The following SMOC1 variants were observed in gnomAD, a reference collection of about 807,000 sequenced individuals.
SMOC1 encodes SPARC related modular calcium binding 1.
In SMOC1, 22 loss-of-function variants were observed where a neutral mutation model predicts 56.3. That is an observed-to-expected ratio of 0.39 (90% CI 0.28 to 0.56). The LOEUF is 0.56. SMOC1 is among the 20% of genes least tolerant of loss of function. SMOC1 has a pLI of 0.61. For synonymous variants in SMOC1, 193 were observed against 215.0 expected (o/e 0.90, Z 0.89); for missense variants, 509 against 565.4 (o/e 0.90, Z 1.01).
chr14:69,932,111 T>C (rs892429557), intron 1 of SMOC1, among the ~76,000 whole-genome samples: 3 of 152,172 alleles, frequency 2.0e-5, no homozygotes, highest in African/African-American at 7.2e-5. Flanking sequence ...CGTGGTGGGT[T>C]GTATGGTGAA....
chr14:69,881,504 G>C (rs1440948959), intron 1 of SMOC1, among the ~76,000 whole-genome samples: 2 of 152,124 alleles, frequency 1.3e-5, no homozygotes, highest in Admixed American at 1.3e-4. Flanking sequence ...GGGAAATCAG[G>C]CACCGTGGTT....
intron 3 of SMOC1, among the ~76,000 whole-genome samples, chr14:69,968,789 G>A (rs1883661870): frequency 6.6e-6 from 1 of 152,196 alleles, no homozygotes; most frequent in Non-Finnish European, 1.5e-5. Context: ...CATGACAGCA[G>A]TCCTTTCATT....
At chr14:70,014,976 C>A (rs1180565983) in intron 10 of SMOC1, among the ~76,000 whole-genome samples, 3 of 152,158 alleles carry the variant, frequency 2.0e-5, no homozygotes, top group Non-Finnish European at 4.4e-5. Flanking sequence ...CATCCTGAGG[C>A]AGAAGAAGGC....
chr14:69,966,315 C>T (rs1883574944), intron 3 of SMOC1, among the ~76,000 whole-genome samples: 1 of 152,148 alleles, frequency 6.6e-6, no homozygotes, highest in Non-Finnish European at 1.5e-5. Flanking sequence ...TTTCTTGGGT[C>T]CCCGGAGCCC....
intron 1 of SMOC1, among the ~76,000 whole-genome samples, chr14:69,918,490 A>C (rs1379310029): frequency 6.6e-6 from 1 of 152,112 alleles, no homozygotes; most frequent in Non-Finnish European, 1.5e-5. Context: ...GGCCTCCCCA[A>C]GTGCTAGGAT....
chr14:69,916,064 A>C (rs1032688911), intron 1 of SMOC1, among the ~76,000 whole-genome samples: 2 of 152,222 alleles, frequency 1.3e-5, no homozygotes, highest in Non-Finnish European at 2.9e-5. Context: ...CAACATCTCT[A>C]TGTGGGCGTC....
chr14:69,882,519 G>T (rs892606580), intron 1 of SMOC1, among the ~76,000 whole-genome samples: 3 of 152,210 alleles, frequency 2.0e-5, no homozygotes, highest in Non-Finnish European at 2.9e-5. Flanking sequence ...TATGTAGGAA[G>T]CACCTGATTT....
At chr14:69,942,480 A>C (rs889500880) in intron 1 of SMOC1, among the ~76,000 whole-genome samples, 1 of 152,158 alleles carries the variant, frequency 6.6e-6, no homozygotes, top group Non-Finnish European at 1.5e-5. Flanking sequence ...CACTTTTATG[A>C]ATTTTAACAA....
At chr14:69,995,147 A>G (rs1321970501) in intron 7 of SMOC1, among the ~76,000 whole-genome samples, 1 of 152,050 alleles carries the variant, frequency 6.6e-6, no homozygotes, top group East Asian at 1.9e-4. Context: ...GCGAAATACC[A>G]CTCTGCATAA....
At chr14:69,935,548 G>C (rs1412402965) in intron 1 of SMOC1, among the ~76,000 whole-genome samples, 1 of 152,178 alleles carries the variant, frequency 6.6e-6, no homozygotes, top group African/African-American at 2.4e-5. Flanking sequence ...TAGTTTGCTG[G>C]GGTCTCTTTA....
intron 1 of SMOC1, among the ~76,000 whole-genome samples, chr14:69,912,877 G>T (rs1884589874): frequency 6.6e-6 from 1 of 152,210 alleles, no homozygotes; most frequent in African/African-American, 2.4e-5. Context: ...CTGCTTAGGA[G>T]AAATTGTCAG....
At chr14:69,932,072 C>A (rs112369910) in intron 1 of SMOC1, among the ~76,000 whole-genome samples, 45 of 152,350 alleles carry the variant, frequency 3.0e-4, no homozygotes, top group African/African-American at 1.1e-3. Context: ...CCTCAGAACC[C>A]GAGCTGTTCC....
chr14:70,018,725 G>A (rs1355224965), intron 10 of SMOC1, among the ~76,000 whole-genome samples: 1 of 152,222 alleles, frequency 6.6e-6, no homozygotes, highest in Non-Finnish European at 1.5e-5. Context: ...ACTTTGAGGG[G>A]AGGTGGGAAG....
At chr14:69,985,832 C>A (rs922768868) in intron 5 of SMOC1, among the ~76,000 whole-genome samples, 6 of 152,272 alleles carry the variant, frequency 3.9e-5, no homozygotes, top group African/African-American at 1.2e-4. Flanking sequence ...ATTCATATAA[C>A]TTTTATAAAA....
At chr14:69,893,179 T>A (rs910622042) in intron 1 of SMOC1, among the ~76,000 whole-genome samples, 115 of 152,318 alleles carry the variant, frequency 7.5e-4, no homozygotes, top group African/African-American at 2.7e-3. Context: ...ATATATATAT[T>A]TTTAAGTATA....
chr14:69,940,469 T>C (rs1273881081), intron 1 of SMOC1, among the ~76,000 whole-genome samples: 2 of 152,198 alleles, frequency 1.3e-5, no homozygotes, highest in African/African-American at 4.8e-5. Context: ...AGGATAACTT[T>C]ATAAGGAGTT....
Position 69,953,635 on chromosome 14 carries a change from C to T in SMOC1, c.378+103C>T, listed in dbSNP as rs534267691. 3.1e-5 allele frequency: 29 copies of T among 933,090 alleles called. No homozygotes were observed. In the African/African-American group the frequency reaches 4.4e-4, roughly 14 times the overall value. The allele number at this position is 933,090 out of a possible 1,614,324, so 57.8% of individuals were successfully genotyped here. A position where few individuals can be genotyped will look rare whatever the true frequency, so the allele number is the denominator to read the frequency against. Reference sequence around the variant, plus strand: ...CTTGGCGCCTTCACTTTCTGGGAAACAGTTGAGTGAGTGGCTCTTCAACTC... The same window carrying T: ...CTTGGCGCCTTCACTTTCTGGGAAATAGTTGAGTGAGTGGCTCTTCAACTC... On this transcript the variant is annotated intron_variant, in intron 3 of 11. Coordinates refer to ENST00000361956, the MANE Select transcript of SMOC1 (RefSeq NM_001034852.3).
intron 1 of SMOC1, among the ~76,000 whole-genome samples, chr14:69,941,377 A>T (rs1882555294): frequency 6.6e-6 from 1 of 152,056 alleles, no homozygotes; most frequent in Middle Eastern, 3.2e-3. Context: ...TCAGAAACTC[A>T]TTGCCTTTGA....
chr14:69,914,580 A>G (rs1490700131), intron 1 of SMOC1, among the ~76,000 whole-genome samples: 1 of 149,616 alleles, frequency 6.7e-6, no homozygotes, highest in South Asian at 2.1e-4. Flanking sequence ...TAGGAAGGAA[A>G]CAAACAAACA....
Sources: allele counts gnomAD v4.1 joint callset (sites outside exome capture counted in the v4.1 genomes callset), GRCh38; gene constraint gnomAD v4.1.1; transcripts MANE v1.5; gene names NCBI Gene and HGNC (gene_info 2026-07-23, HGNC 2026-07-21).